Variants in NELL1 observed in about 807,000 individuals in gnomAD.
NELL1 encodes neural EGFL like 1, also known as protein kinase C-binding protein NELL1.
In NELL1, 76 loss-of-function variants were observed where a neutral mutation model predicts 107.4. The ratio of observed to expected loss-of-function variants is 0.71; its 90% CI spans 0.59 to 0.86. NELL1 has a LOEUF of 0.86. Ranked by LOEUF, NELL1 falls within the 40% of genes least tolerant of loss-of-function variation. The probability of loss-of-function intolerance (pLI) is 0.00; values close to 1 mark genes in which losing one functional copy is unlikely to be tolerated. For synonymous variants in NELL1, 353 were observed against 341.2 expected (o/e 1.03, Z -0.38); for missense variants, 1,024 against 1,005.5 (o/e 1.02, Z -0.25).
intron 13 of NELL1, among the ~76,000 whole-genome samples, chr11:21,149,004 C>T (rs1352715032): frequency 6.6e-6 from 1 of 152,180 alleles, no homozygotes; most frequent in Non-Finnish European, 1.5e-5. Context: ...ACATCACTCA[C>T]AGCCTGCAGA....
intron 13 of NELL1, among the ~76,000 whole-genome samples, chr11:21,156,318 G>A (rs544817839): frequency 6.6e-6 from 1 of 152,294 alleles, no homozygotes; most frequent in South Asian, 2.1e-4. Context: ...AAATGATTTT[G>A]CTCCAGCAGG....
intron 4 of NELL1, among the ~76,000 whole-genome samples, chr11:20,880,807 C>T (rs984235424): frequency 4.6e-5 from 7 of 152,168 alleles, no homozygotes; most frequent in South Asian, 2.1e-4. Context: ...TCAAGATTCT[C>T]GGTCTTGTAG....
chr11:20,854,131 A>T (rs1033246877), intron 4 of NELL1, among the ~76,000 whole-genome samples: 4 of 152,200 alleles, frequency 2.6e-5, no homozygotes, highest in African/African-American at 7.2e-5. Flanking sequence ...CCTAAAGCCC[A>T]CATGGATGAG....
chr11:21,003,051 T>C (rs1852257718), intron 12 of NELL1, among the ~76,000 whole-genome samples: 1 of 152,306 alleles, frequency 6.6e-6, no homozygotes, highest in South Asian at 2.1e-4. Context: ...AAATGTGCGA[T>C]CTCTTCTCAT....
intron 15 of NELL1, among the ~76,000 whole-genome samples, chr11:21,482,052 A>G (rs1242428070): frequency 6.6e-6 from 1 of 152,200 alleles, no homozygotes; most frequent in African/African-American, 2.4e-5. Flanking sequence ...TTTGATAAAT[A>G]ATAGAAATCT....
At chr11:20,819,779 C>A (rs916806158) in intron 3 of NELL1, among the ~76,000 whole-genome samples, 1 of 152,184 alleles carries the variant, frequency 6.6e-6, no homozygotes, top group Non-Finnish European at 1.5e-5. Context: ...TTGTCAATAT[C>A]TTTACCCACT....
At position 21,250,911 on chromosome 11, in the gene NELL1, GAA is replaced by G. The variant is rs1858621244; in HGVS notation, c.1549+21458_1549+21459del. 2.0e-5 allele frequency among the ~76,000 whole-genome samples: 3 copies of G among 152,118 alleles called. No homozygotes were observed. In the South Asian group the frequency reaches 6.2e-4, roughly 31 times the overall value. On this transcript the variant is annotated intron_variant, in intron 14 of 19. Transcript: ENST00000357134. ...ACCCTATTCTTGACACTCTGGTTGG[GAA>G]GCTCTTGAATTTGTAAACCATATGG... is the stretch of plus-strand genomic sequence containing the variant.
At chr11:21,381,549 A>G (rs1438372023) in intron 15 of NELL1, among the ~76,000 whole-genome samples, 1 of 151,992 alleles carries the variant, frequency 6.6e-6, no homozygotes, top group Non-Finnish European at 1.5e-5. Flanking sequence ...AGCTAGTGAT[A>G]ACTTTAATTA....
At chr11:21,563,778 T>C (rs1856905392) in intron 17 of NELL1, among the ~76,000 whole-genome samples, 1 of 151,912 alleles carries the variant, frequency 6.6e-6, no homozygotes, top group Admixed American at 6.6e-5. Context: ...AATGCTCTAC[T>C]CTGGGAAGAT....
chr11:21,400,736 C>T (rs1451128770), intron 15 of NELL1, among the ~76,000 whole-genome samples: 14 of 151,896 alleles, frequency 9.2e-5, no homozygotes, highest in African/African-American at 1.7e-4. Context: ...TTCAGTTTCA[C>T]GAATACGTCA....
At chr11:20,682,368 AT>A (rs1854209864) in intron 2 of NELL1, among the ~76,000 whole-genome samples, 1 of 150,458 alleles carries the variant, frequency 6.6e-6, no homozygotes, top group South Asian at 2.1e-4. Flanking sequence ...CAACCCAAAA[AT>A]ATATTAATAA....
At chr11:21,263,971 A>G (rs1361232224) in intron 14 of NELL1, among the ~76,000 whole-genome samples, 1 of 151,904 alleles carries the variant, frequency 6.6e-6, no homozygotes, top group Non-Finnish European at 1.5e-5. Context: ...AATTATGTGC[A>G]TTTAGCCAAC....
chr11:21,184,061 A>T (rs1856882617), intron 13 of NELL1, among the ~76,000 whole-genome samples: 1 of 151,824 alleles, frequency 6.6e-6, no homozygotes, highest in Non-Finnish European at 1.5e-5. Flanking sequence ...TTCCTAAACC[A>T]GGAACGTGTG....
chr11:21,169,261 G>T (rs1405022048), intron 13 of NELL1, among the ~76,000 whole-genome samples: 1 of 151,780 alleles, frequency 6.6e-6, no homozygotes, highest in Admixed American at 6.6e-5. Flanking sequence ...TCCACACAGG[G>T]TACTCTCCTG....
intron 15 of NELL1, among the ~76,000 whole-genome samples, chr11:21,487,415 T>G (rs982777728): frequency 1.3e-5 from 2 of 152,030 alleles, no homozygotes; most frequent in African/African-American, 4.8e-5. Flanking sequence ...CTTAGGGAAT[T>G]TATCACCACA....
intron 15 of NELL1, among the ~76,000 whole-genome samples, chr11:21,402,288 C>T (rs1040537305): frequency 3.3e-5 from 5 of 151,818 alleles, no homozygotes; most frequent in Admixed American, 6.6e-5. Context: ...CTTTTCCTCA[C>T]ACTCTTCTCA....
At chr11:21,113,428 C>T (rs532997647) in intron 12 of NELL1, among the ~76,000 whole-genome samples, 161 bp from the exon 13 acceptor site, 3 of 152,138 alleles carry the variant, frequency 2.0e-5, no homozygotes, top group South Asian at 2.1e-4. Flanking sequence ...TGGGATCTAA[C>T]GTACCAAGCT....
chr11:20,744,658 G>A (rs920930435), intron 2 of NELL1, among the ~76,000 whole-genome samples: 2 of 152,200 alleles, frequency 1.3e-5, no homozygotes, highest in African/African-American at 2.4e-5. Flanking sequence ...TTTGCAAGGC[G>A]GTAGCCCAGG....
intron 13 of NELL1, among the ~76,000 whole-genome samples, chr11:21,172,940 G>A (rs1856637858): frequency 6.6e-6 from 1 of 151,508 alleles, no homozygotes; most frequent in African/African-American, 2.4e-5. Flanking sequence ...GTGTGTGTGT[G>A]TATGTGTGTG....
Sources: allele counts gnomAD v4.1 joint callset (sites outside exome capture counted in the v4.1 genomes callset), GRCh38; gene constraint gnomAD v4.1.1; transcripts MANE v1.5; gene names NCBI Gene and HGNC (gene_info 2026-07-23, HGNC 2026-07-21).